The following LARS2 variants were observed in gnomAD, a reference collection of about 807,000 sequenced individuals.
The protein encoded by LARS2 is leucine--tRNA ligase, mitochondrial.
LARS2 carries 81 observed loss-of-function variants against 116.6 expected under a neutral mutation model. That is an observed-to-expected ratio of 0.69 (90% CI 0.58 to 0.84). The LOEUF is 0.84. Among genes scored for constraint, LARS2 ranks in the 40% least tolerant of loss-of-function variants. LARS2 has a pLI of 0.00. For missense variants in LARS2, 968 were observed against 1,114.5 expected (o/e 0.87, Z 1.87); for synonymous variants, 396 against 407.2 (o/e 0.97, Z 0.33).
At chr3:45,494,509 G>A (rs188783085) in intron 13 of LARS2, among the ~76,000 whole-genome samples, 135 of 152,306 alleles carry the variant, frequency 8.9e-4, no homozygotes, top group African/African-American at 3.1e-3. Flanking sequence ...GAGGGGCGAT[G>A]AGCTTCACAT....
At chr3:45,519,930 G>A (rs1370711611) in intron 18 of LARS2, 2 of 327,302 alleles carry the variant, frequency 6.1e-6, no homozygotes, top group African/African-American at 4.3e-5. Flanking sequence ...TTACAGGTGT[G>A]AGCCACTGTG....
intron 15 of LARS2, among the ~76,000 whole-genome samples, chr3:45,510,364 T>A (rs1470756221): frequency 6.6e-6 from 1 of 151,936 alleles, no homozygotes; most frequent in Non-Finnish European, 1.5e-5. Flanking sequence ...CAGTGAGCTG[T>A]GATTGTGCCA....
intron 6 of LARS2, among the ~76,000 whole-genome samples, chr3:45,430,001 C>CTATT (rs1559466268): frequency 1.7e-5 from 1 of 58,938 alleles, no homozygotes; most frequent in African/African-American, 4.9e-5. Context: ...CATGCCCAGC[C>CTATT]TCTTTTTTTT....
intron 8 of LARS2, among the ~76,000 whole-genome samples, chr3:45,459,956 A>G (rs1306430862): frequency 6.6e-6 from 1 of 152,196 alleles, no homozygotes. Context: ...GTGAGTATCA[A>G]CTGAAATGGA....
At chr3:45,453,570 C>G (rs940043741) in intron 7 of LARS2, among the ~76,000 whole-genome samples, 2 of 152,212 alleles carry the variant, frequency 1.3e-5, no homozygotes, top group African/African-American at 2.4e-5. Flanking sequence ...GGCACCTCTT[C>G]CACTGTACCT....
At chr3:45,511,105 A>G (rs1700282573) in intron 15 of LARS2, among the ~76,000 whole-genome samples, 1 of 152,170 alleles carries the variant, frequency 6.6e-6, no homozygotes, top group Non-Finnish European at 1.5e-5. Context: ...ATAGTTGGCT[A>G]GGTTTTGCCA....
intron 7 of LARS2, among the ~76,000 whole-genome samples, chr3:45,451,586 T>G (rs1303819756): frequency 6.6e-6 from 1 of 152,200 alleles, no homozygotes; most frequent in Admixed American, 6.5e-5. Flanking sequence ...GGCAGTACCA[T>G]GCTTTTTGGG....
chr3:45,436,169 G>T (rs969145467), intron 6 of LARS2, among the ~76,000 whole-genome samples: 2 of 152,096 alleles, frequency 1.3e-5, no homozygotes, highest in African/African-American at 4.8e-5. Context: ...TGCATCCGTG[G>T]AATTGATGAT....
At chr3:45,396,508 C>G (rs1698048040) in intron 3 of LARS2, among the ~76,000 whole-genome samples, 1 of 152,210 alleles carries the variant, frequency 6.6e-6, no homozygotes, top group Admixed American at 6.5e-5. Flanking sequence ...GGACCTGAGA[C>G]TATGACGGAA....
At chr3:45,430,570 G>GCC (rs1559466618) in intron 6 of LARS2, among the ~76,000 whole-genome samples, 1 of 140,382 alleles carries the variant, frequency 7.1e-6, no homozygotes, top group Non-Finnish European at 1.5e-5. Flanking sequence ...GTGAGCCACT[G>GCC]CGCCCGGCCA....
At chr3:45,523,241 A>G (rs1315718489) in intron 19 of LARS2, among the ~76,000 whole-genome samples, 1 of 152,246 alleles carries the variant, frequency 6.6e-6, no homozygotes, top group African/African-American at 2.4e-5. Flanking sequence ...GACCAAAGGT[A>G]TTTCAGAGAA....
intron 6 of LARS2, among the ~76,000 whole-genome samples, chr3:45,443,935 G>A (rs1167413877): frequency 1.3e-5 from 2 of 152,050 alleles, no homozygotes; most frequent in Non-Finnish European, 2.9e-5. Context: ...TTTCGTTACA[G>A]GTTTGACTGA....
chr3:45,416,089 C>T (rs898228895), intron 4 of LARS2, among the ~76,000 whole-genome samples: 1 of 151,498 alleles, frequency 6.6e-6, no homozygotes, highest in African/African-American at 2.4e-5. Flanking sequence ...GGGTTTCCCT[C>T]CCTTACTGGT....
At chr3:45,447,194 C>T (rs529889264) in intron 7 of LARS2, among the ~76,000 whole-genome samples, 137 of 152,140 alleles carry the variant, frequency 9.0e-4, no homozygotes, top group Non-Finnish European at 1.5e-3. Context: ...TTGTCTGGTT[C>T]CTGTAATGAG....
intron 20 of LARS2, chr3:45,538,253 G>A (rs1303162071): frequency 2.6e-5 from 4 of 152,196 alleles, no homozygotes; most frequent in African/African-American, 9.7e-5. Context: ...GACTGCTCCA[G>A]GAAGGCTGGG....
intron 3 of LARS2, among the ~76,000 whole-genome samples, chr3:45,397,797 CT>C (rs1280449468): frequency 1.3e-5 from 2 of 152,132 alleles, no homozygotes; most frequent in Non-Finnish European, 2.9e-5. Flanking sequence ...GGATAGTTTT[CT>C]TCTGATTCTG....
chr3:45,398,339 A>G (rs1438313755), intron 3 of LARS2, among the ~76,000 whole-genome samples: 1 of 152,200 alleles, frequency 6.6e-6, no homozygotes, highest in Non-Finnish European at 1.5e-5. Flanking sequence ...TATTTGGTTT[A>G]TGTGTATTAT....
chr3:45,409,887 CTT>C (rs1178239044), intron 4 of LARS2, among the ~76,000 whole-genome samples: 1 of 152,140 alleles, frequency 6.6e-6, no homozygotes, highest in Admixed American at 6.5e-5. Context: ...TATTAAGAAA[CTT>C]TGAGATTTTT....
intron 8 of LARS2, among the ~76,000 whole-genome samples, chr3:45,472,163 A>G (rs1176322531): frequency 1.3e-5 from 2 of 152,210 alleles, no homozygotes; most frequent in Non-Finnish European, 2.9e-5. Context: ...CACAGCCACA[A>G]TCTTTTCCCA....
Sources: allele counts gnomAD v4.1 joint callset (sites outside exome capture counted in the v4.1 genomes callset), GRCh38; gene constraint gnomAD v4.1.1; transcripts MANE v1.5; gene names NCBI Gene and HGNC (gene_info 2026-07-23, HGNC 2026-07-21).